PPP1R12B: variants seen among roughly 807,000 people sequenced by gnomAD.
PPP1R12B encodes protein phosphatase 1 regulatory subunit 12B.
Under a neutral mutation model 126.1 loss-of-function variants are expected in PPP1R12B, and 76 were observed. The observed-to-expected ratio is 0.60, with a 90% CI of 0.50 to 0.73. The LOEUF (loss-of-function observed/expected upper bound fraction) is 0.73. Ranked by LOEUF, PPP1R12B falls within the 30% of genes least tolerant of loss-of-function variation. PPP1R12B has a pLI of 0.00. For missense variants in PPP1R12B, 1,052 were observed against 1,205.1 expected (o/e 0.87, Z 1.88); for synonymous variants, 356 against 434.7 (o/e 0.82, Z 2.25).
intron 6 of PPP1R12B, among the ~76,000 whole-genome samples, chr1:202,430,151 TAGAG>T (rs1670012410): frequency 6.6e-6 from 1 of 152,326 alleles, no homozygotes; most frequent in African/African-American, 2.4e-5. Flanking sequence ...GTTGCAAAAA[TAGAG>T]AGTTCCTGTG....
chr1:202,474,073 T>G (rs766892526), intron 13 of PPP1R12B: 4 of 467,918 alleles, frequency 8.5e-6, no homozygotes, highest in Non-Finnish European at 1.8e-5. Context: ...AAAGTAGCTC[T>G]AAAGTGTGCT....
At chr1:202,435,733 A>G (rs1441534347) in intron 9 of PPP1R12B, among the ~76,000 whole-genome samples, 1 of 152,224 alleles carries the variant, frequency 6.6e-6, no homozygotes, top group African/African-American at 2.4e-5. Context: ...TATAGGTATG[A>G]ACTTAATGAT....
chr1:202,426,489 G>A (rs761220002), intron 4 of PPP1R12B, among the ~76,000 whole-genome samples: 5 of 152,130 alleles, frequency 3.3e-5, no homozygotes, highest in Admixed American at 1.3e-4. Context: ...GCAAAAAATT[G>A]GAGATATGTG....
At chr1:202,544,981 T>G (rs1685504905) in intron 18 of PPP1R12B, among the ~76,000 whole-genome samples, 1 of 152,252 alleles carries the variant, frequency 6.6e-6, no homozygotes, top group Non-Finnish European at 1.5e-5. Flanking sequence ...TTTTTGCATG[T>G]GCTTTGTGCC....
intron 1 of PPP1R12B, among the ~76,000 whole-genome samples, chr1:202,397,526 A>G (rs1375984064): frequency 1.3e-5 from 2 of 152,318 alleles, no homozygotes; most frequent in African/African-American, 2.4e-5. Context: ...TATCACCAGT[A>G]TTATGATATT....
chr1:202,399,343 C>T (rs147616802), intron 1 of PPP1R12B, among the ~76,000 whole-genome samples: 1 of 152,194 alleles, frequency 6.6e-6, no homozygotes, highest in African/African-American at 2.4e-5. Flanking sequence ...GCCTTAGCCT[C>T]CTATGTAGCT....
At chr1:202,384,822 A>T (rs988066717) in intron 1 of PPP1R12B, among the ~76,000 whole-genome samples, 5 of 152,212 alleles carry the variant, frequency 3.3e-5, no homozygotes, top group African/African-American at 1.2e-4. Flanking sequence ...CCTAGGGTTT[A>T]TGTGAAAGAT....
At chr1:202,446,576 A>G (rs1281147368) in intron 12 of PPP1R12B, among the ~76,000 whole-genome samples, 3 of 148,122 alleles carry the variant, frequency 2.0e-5, no homozygotes, top group Non-Finnish European at 4.5e-5. Flanking sequence ...TATATTTTAC[A>G]TATATAATAT....
chr1:202,381,397 G>GGTGTGT (rs773680210), intron 1 of PPP1R12B, among the ~76,000 whole-genome samples: 89 of 23,314 alleles, frequency 3.8e-3, no homozygotes, highest in African/African-American at 8.9e-3. Flanking sequence ...TGAGCTTTGG[G>GGTGTGT]GTGTGTGTGT....
At chr1:202,469,679 C>G (rs1243118216) in intron 13 of PPP1R12B, among the ~76,000 whole-genome samples, 2 of 151,694 alleles carry the variant, frequency 1.3e-5, no homozygotes, top group African/African-American at 4.8e-5. Flanking sequence ...CTCAGGAAAC[C>G]TGACTCAAAA....
chr1:202,357,175 T>C (rs766390459), intron 1 of PPP1R12B, among the ~76,000 whole-genome samples: 1 of 152,194 alleles, frequency 6.6e-6, no homozygotes, highest in Non-Finnish European at 1.5e-5. Flanking sequence ...GCTATGATAA[T>C]AAATTTGTGT....
At chr1:202,416,952 T>G in intron 2 of PPP1R12B, 35 bp downstream of exon 2, 1 of 1,585,198 alleles carries the variant, frequency 6.3e-7, no homozygotes, top group Non-Finnish European at 8.6e-7. Flanking sequence ...CTTTGTAGTA[T>G]TTGTAGGAAT....
intron 1 of PPP1R12B, among the ~76,000 whole-genome samples, chr1:202,368,263 G>GC: frequency 6.6e-6 from 1 of 152,002 alleles, no homozygotes; most frequent in Non-Finnish European, 1.5e-5. Flanking sequence ...GAGCCACTGC[G>GC]CCCGGCCAAG....
intron 18 of PPP1R12B, among the ~76,000 whole-genome samples, chr1:202,531,814 C>G (rs1378352333): frequency 2.0e-5 from 3 of 152,164 alleles, no homozygotes. Context: ...TTCCACCTAA[C>G]TGTTGATCTC....
intron 1 of PPP1R12B, among the ~76,000 whole-genome samples, chr1:202,349,801 T>C (rs1014615218): frequency 1.3e-5 from 2 of 152,250 alleles, no homozygotes; most frequent in African/African-American, 4.8e-5. Flanking sequence ...TTGATACTTA[T>C]GGAATAGCTT....
chr1:202,413,510 A>C lies in PPP1R12B; in HGVS notation c.292-3277A>C, dbSNP rs1667664888. On this transcript the variant is annotated intron_variant, in intron 1 of 23. Coordinates refer to ENST00000608999, the MANE Select transcript of PPP1R12B (RefSeq NM_002481.4). Reference sequence around the variant, plus strand: ...AAATATCTTTTGGTATGCTTGATTAAAACAGTGGTTATCAAACTGATCTCA... The same window carrying C: ...AAATATCTTTTGGTATGCTTGATTACAACAGTGGTTATCAAACTGATCTCA... Among the ~76,000 whole-genome samples the C allele has an allele frequency of 2.0e-5, 3 of 152,198 alleles. No individual in the cohort carries two copies. The South Asian group carries it at 6.2e-4, about 31-fold the overall frequency.
At chr1:202,424,746 T>C (rs1023543267) in intron 3 of PPP1R12B, among the ~76,000 whole-genome samples, 1 of 152,206 alleles carries the variant, frequency 6.6e-6, no homozygotes, top group Non-Finnish European at 1.5e-5. Context: ...GGGGTATGCC[T>C]CACCCTAACC....
intron 23 of PPP1R12B, chr1:202,574,942 G>T: frequency 3.4e-6 from 5 of 1,464,110 alleles, no homozygotes; most frequent in South Asian, 1.2e-5. Context: ...TCTCTCCTCT[G>T]GTCTGTCTTG....
chr1:202,568,811 G>GC (rs1688314944), intron 22 of PPP1R12B, among the ~76,000 whole-genome samples: 1 of 152,188 alleles, frequency 6.6e-6, no homozygotes, highest in African/African-American at 2.4e-5. Flanking sequence ...GAGAGCAAGG[G>GC]CCCTAGTCAC....
Sources: gnomAD v4.1 joint callset for allele counts (sites outside exome capture counted in the v4.1 genomes callset) on GRCh38, gnomAD v4.1.1 for gene constraint, MANE v1.5 for transcripts, NCBI Gene and HGNC (gene_info 2026-07-23, HGNC 2026-07-21) for gene names.